PCDH7: variants seen among roughly 807,000 people sequenced by gnomAD.
PCDH7 encodes the protein protocadherin 7.
PCDH7 carries 17 observed loss-of-function variants against 58.9 expected under a neutral mutation model. That is an observed-to-expected ratio of 0.29 (90% CI 0.20 to 0.43). The LOEUF is 0.43. PCDH7 is among the 20% of genes least tolerant of loss of function. The pLI is 1.00. For missense variants in PCDH7, 1,274 were observed against 1,441.0 expected (o/e 0.88, Z 1.88); for synonymous variants, 664 against 616.4 (o/e 1.08, Z -1.14).
At position 30,721,958 on chromosome 4, in the gene PCDH7, G is replaced by A; in HGVS notation, c.536G>A (p.Arg179His). 2.0e-6 allele frequency: 3 copies of A among 1,528,796 alleles called. No homozygotes were observed. The highest frequency in any genetic ancestry group is 1.7e-4 in the Middle Eastern group (1 of 5,760). 94.7% of individuals were successfully genotyped at this position (1,528,796 alleles called of 1,614,324 possible). A position where few individuals can be genotyped will look rare whatever the true frequency, so the allele number is the denominator to read the frequency against. The change falls in exon 1 of 2, where the codon CGC (arginine) becomes CAC (histidine). Residue 179 changes from arginine (R) to histidine (H), a missense_variant. By Grantham distance (29) the Arg-to-His change is conservative (BLOSUM62 0). Around this residue, in one of 3 missense-constraint regions of PCDH7, gnomAD observed 212 missense variants for 255.8 expected, o/e 0.83. Coordinates refer to ENST00000361762, the Ensembl canonical transcript of PCDH7. This position sits in a 1 kb window ranked among gnomAD's most constrained non-coding sequence, Gnocchi z 6.7. ...GACTTCGGCCGCAACGGCATCGAGC[G>A]CTACGAGCTGCTCCAGGAGCCCGGA...
At position 30,926,737 on chromosome 4, in the gene PCDH7, CTT is replaced by C. The variant is rs375722652; in HGVS notation, c.287+6370_287+6371del. The stretch of plus-strand genomic sequence containing the variant: ...TCTCTTGGCATCAAACCAACCGACT[CTT>C]TGTGTTCTTTGTCATTCAAGGTAGG... On this transcript the variant is annotated intron_variant, in intron 2 of 3. Transcript: ENST00000509759. 2.1e-4 allele frequency among the ~76,000 whole-genome samples: 32 copies of C among 152,222 alleles called. 2 individuals are homozygous for C. The East Asian group carries it at 4.8e-3, about 23-fold the overall frequency.
chr4:31,105,302 T>C (rs1170588939), intron 3 of PCDH7, among the ~76,000 whole-genome samples: 1 of 152,172 alleles, frequency 6.6e-6, no homozygotes, highest in Non-Finnish European at 1.5e-5. Flanking sequence ...CTTATATGAA[T>C]GATGAGAATA....
intron 3 of PCDH7, among the ~76,000 whole-genome samples, chr4:30,962,776 T>TAAAAAA (rs57257786): frequency 1.1e-4 from 8 of 70,628 alleles, no homozygotes; most frequent in African/African-American, 3.2e-4. Context: ...GACCCAGTCT[T>TAAAAAA]AAAAAAAAAA....
intron 1 of PCDH7, among the ~76,000 whole-genome samples, chr4:30,807,270 T>G (rs1560390074): frequency 6.6e-6 from 1 of 152,232 alleles, no homozygotes; most frequent in Non-Finnish European, 1.5e-5. Context: ...ATTCTATTTG[T>G]TTTTATCATT....
intron 1 of PCDH7, among the ~76,000 whole-genome samples, chr4:30,738,256 G>A (rs1039201298): frequency 6.6e-6 from 1 of 152,118 alleles, no homozygotes; most frequent in African/African-American, 2.4e-5. Context: ...ACATTGGACT[G>A]GACCATTGTT....
chr4:30,824,030 C>T (rs1055115886), intron 1 of PCDH7, among the ~76,000 whole-genome samples: 2 of 152,074 alleles, frequency 1.3e-5, no homozygotes, highest in South Asian at 2.1e-4. Context: ...AAGGCAGAGC[C>T]ACTCTTGATG....
At chr4:30,895,269 G>A (rs1739260731) in intron 1 of PCDH7, among the ~76,000 whole-genome samples, 1 of 151,876 alleles carries the variant, frequency 6.6e-6, no homozygotes, top group African/African-American at 2.4e-5. Context: ...GTAACCGCAT[G>A]TATGTTTAAG....
chr4:30,980,156 CTATATTCACT>C (rs1750424324), intron 3 of PCDH7, among the ~76,000 whole-genome samples: 7 of 152,200 alleles, frequency 4.6e-5, no homozygotes, highest in South Asian at 4.2e-4. Context: ...GATAGAGTGC[CTATATTCACT>C]TCACGTATTA....
At chr4:31,137,740 C>T (rs1017009699) in intron 3 of PCDH7, among the ~76,000 whole-genome samples, 5 of 152,094 alleles carry the variant, frequency 3.3e-5, no homozygotes, top group Non-Finnish European at 1.5e-5. Context: ...CATACGTTGA[C>T]TTAACAATCC....
chr4:30,938,706 A>G (rs1446657673), intron 2 of PCDH7, among the ~76,000 whole-genome samples: 4 of 152,166 alleles, frequency 2.6e-5, no homozygotes, highest in African/African-American at 9.6e-5. Flanking sequence ...TGTAAAATCA[A>G]GTAATATTTT....
At chr4:31,143,166 C>A (rs1057488079), downstream of PCDH7, 2 of 197,366 alleles carry the variant, frequency 1.0e-5, no homozygotes. Flanking sequence ...TTGCAAGTTT[C>A]TTTCACAGTA....
intron 3 of PCDH7, among the ~76,000 whole-genome samples, chr4:31,134,061 T>C (rs1035483732): frequency 2.6e-5 from 4 of 152,188 alleles, no homozygotes; most frequent in African/African-American, 9.7e-5. Context: ...AGCTCTCTAC[T>C]TGAACTTCTT....
At chr4:30,795,831 G>A (rs1225796473) in intron 1 of PCDH7, among the ~76,000 whole-genome samples, 2 of 152,180 alleles carry the variant, frequency 1.3e-5, no homozygotes, top group African/African-American at 4.8e-5. Flanking sequence ...ATTTGTAAAT[G>A]GGAATATAAT....
intron 1 of PCDH7, among the ~76,000 whole-genome samples, chr4:30,754,903 A>T (rs535447074): frequency 1.3e-5 from 2 of 152,310 alleles, no homozygotes; most frequent in East Asian, 3.9e-4. Context: ...GGAAGTCCAC[A>T]TTGATGGGGA....
chr4:30,847,404 A>T (rs993968481), intron 1 of PCDH7, among the ~76,000 whole-genome samples: 1 of 152,130 alleles, frequency 6.6e-6, no homozygotes, highest in Non-Finnish European at 1.5e-5. Context: ...TAGAATAAAC[A>T]TTTGGCTGAA....
intron 1 of PCDH7, among the ~76,000 whole-genome samples, chr4:30,828,298 A>G (rs1054349803): frequency 2.6e-5 from 4 of 152,088 alleles, no homozygotes; most frequent in Admixed American, 6.6e-5. Context: ...TAAGCTATAA[A>G]AACAAGAATA....
chr4:30,979,011 A>G (rs977344636), intron 3 of PCDH7, among the ~76,000 whole-genome samples: 2 of 152,276 alleles, frequency 1.3e-5, no homozygotes, highest in Admixed American at 6.5e-5. Context: ...CTTCAAGTTA[A>G]TAACAATTTT....
chr4:30,776,016 A>G (rs1475782746), intron 1 of PCDH7, among the ~76,000 whole-genome samples: 2 of 152,230 alleles, frequency 1.3e-5, no homozygotes, highest in African/African-American at 4.8e-5. Context: ...GTACATTATA[A>G]TAGCTGCTAT....
chr4:30,867,743 C>T (rs1735053242), intron 1 of PCDH7, among the ~76,000 whole-genome samples: 1 of 152,006 alleles, frequency 6.6e-6, no homozygotes, highest in Admixed American at 6.6e-5. Flanking sequence ...CTATTTGTCC[C>T]TGTCACTCAT....
Sources: allele counts gnomAD v4.1 joint callset (sites outside exome capture counted in the v4.1 genomes callset), GRCh38; gene constraint gnomAD v4.1.1; regional missense constraint gnomAD v4.1.1; non-coding constraint Gnocchi (gnomAD v3.1); transcripts MANE v1.5; gene names NCBI Gene and HGNC (gene_info 2026-07-23, HGNC 2026-07-21).